SLC25A13: variants seen among roughly 807,000 people sequenced by gnomAD.
SLC25A13 encodes solute carrier family 25 member 13, also known as electrogenic aspartate/glutamate antiporter SLC25A13, mitochondrial.
Under a neutral mutation model 85.5 loss-of-function variants are expected in SLC25A13, and 70 were observed. That is an observed-to-expected ratio of 0.82 (90% CI 0.68 to 1.00). The LOEUF is 1.00. Ranked by LOEUF, SLC25A13 falls within the 50% of genes least tolerant of loss-of-function variation. The pLI, the probability that SLC25A13 is intolerant of heterozygous loss-of-function variation, is 0.00. For synonymous variants in SLC25A13, 259 were observed against 288.7 expected, an observed-to-expected ratio of 0.90 and a Z score of 1.04; for missense variants, 765 against 819.8, an observed-to-expected ratio of 0.93 and a Z score of 0.82.
At chr7:96,262,483 G>C (rs1797890284) in intron 3 of SLC25A13, among the ~76,000 whole-genome samples, 1 of 150,790 alleles carries the variant, frequency 6.6e-6, no homozygotes, top group African/African-American at 2.4e-5. Flanking sequence ...TATAAGAACA[G>C]TAAAAAGGGA....
At chr7:96,312,990 C>G (rs1800001924) in intron 1 of SLC25A13, among the ~76,000 whole-genome samples, 1 of 152,182 alleles carries the variant, frequency 6.6e-6, no homozygotes, top group South Asian at 2.1e-4. Flanking sequence ...ATTGAACTAA[C>G]TAGAAACTTT....
At chr7:96,233,031 C>T (rs552819012) in intron 4 of SLC25A13, among the ~76,000 whole-genome samples, 1 of 152,340 alleles carries the variant, frequency 6.6e-6, no homozygotes, top group Admixed American at 6.5e-5. Context: ...AGTGGTAAAG[C>T]TGGTGTCACC....
In SLC25A13 at chr7:96,170,125, C is replaced by T. The variant is rs768922690; in HGVS notation, c.1231G>A (p.Val411Met). The change falls in exon 13 of 18, where the codon GTG becomes ATG. Residue 411 changes from valine (V) to methionine (M), a missense_variant and splice_region_variant. Physicochemically the swap from Val to Met is conservative, Grantham distance 21. Coordinates refer to ENST00000265631, the MANE Select transcript of SLC25A13 (RefSeq NM_014251.3). ...AATTTATCCCTCACAAAATCGTTCA[C>T]CTTGAAGAAAAATATTTATAGAAGC... ...VAPEKAIKLT[V>M]NDFVRDKFMH... is the part of the protein sequence containing the mutation. 3 of 1,613,578 alleles carry T rather than the reference C, an allele frequency of 1.9e-6. No homozygotes were observed. Among genetic ancestry groups the T allele is most frequent in the Admixed American group, 1.7e-5 (1 of 60,000 alleles).
intron 1 of SLC25A13, among the ~76,000 whole-genome samples, chr7:96,304,314 G>A (rs1458263867): frequency 6.6e-6 from 1 of 152,160 alleles, no homozygotes. Context: ...CACCACAAAT[G>A]TTAACCCACT....
intron 11 of SLC25A13, among the ~76,000 whole-genome samples, chr7:96,177,750 T>A (rs193194462): frequency 1.3e-5 from 2 of 152,154 alleles, no homozygotes; most frequent in African/African-American, 4.8e-5. Flanking sequence ...TCCTCCTTCA[T>A]GGAAACTGGA....
intron 4 of SLC25A13, among the ~76,000 whole-genome samples, chr7:96,221,883 C>A (rs1796142805): frequency 6.6e-6 from 1 of 152,186 alleles, no homozygotes; most frequent in East Asian, 1.9e-4. Context: ...TCCCTCCAAA[C>A]AATTACATCC....
chr7:96,305,520 C>T lies in SLC25A13; in HGVS notation c.16-8569G>A, dbSNP rs1006460973. Among the ~76,000 whole-genome samples the T allele has an allele frequency of 3.9e-5, 6 of 152,152 alleles. No homozygotes were observed. The East Asian group carries it at 5.8e-4, about 15-fold the overall frequency. On this transcript the variant is annotated intron_variant, in intron 1 of 17. Transcript: ENST00000265631. ...GAACCAGCTGCAATTGTAATTACCA[C>T]GCCCAATATAATTTGTTACATATTA...
chr7:96,136,074 T>C (rs1792273718), intron 14 of SLC25A13, among the ~76,000 whole-genome samples: 2 of 152,142 alleles, frequency 1.3e-5, no homozygotes, highest in Admixed American at 1.3e-4. Flanking sequence ...ACAACAAAAA[T>C]CATCTCAGGG....
intron 4 of SLC25A13, among the ~76,000 whole-genome samples, chr7:96,230,555 G>T (rs1029690994): frequency 2.6e-5 from 4 of 152,138 alleles, no homozygotes; most frequent in Non-Finnish European, 5.9e-5. Context: ...CTCACATACA[G>T]AATCACAAAT....
At chr7:96,147,165 G>A (rs966387568) in intron 13 of SLC25A13, among the ~76,000 whole-genome samples, 3 of 151,026 alleles carry the variant, frequency 2.0e-5, no homozygotes, top group African/African-American at 7.4e-5. Context: ...GCTCTTGAAT[G>A]ATGAATTTCA....
intron 5 of SLC25A13, among the ~76,000 whole-genome samples, chr7:96,195,917 C>A (rs866845258): frequency 6.6e-6 from 1 of 152,220 alleles, no homozygotes; most frequent in African/African-American, 2.4e-5. Flanking sequence ...GATCTTACAT[C>A]ATAATCAGTT....
intron 2 of SLC25A13, among the ~76,000 whole-genome samples, chr7:96,289,690 G>A (rs1030503947): frequency 2.6e-5 from 4 of 152,256 alleles, no homozygotes; most frequent in African/African-American, 4.8e-5. Flanking sequence ...GAAATGAAGC[G>A]AGAAGAGAAG....
intron 2 of SLC25A13, among the ~76,000 whole-genome samples, chr7:96,288,680 G>A (rs113895548): frequency 6.6e-6 from 1 of 152,184 alleles, no homozygotes. Context: ...TGCTAGCAAA[G>A]CAGTCTGAGA....
chr7:96,128,943 T>TCTCTCTCA (rs1791875359), intron 15 of SLC25A13, among the ~76,000 whole-genome samples: 2 of 120,516 alleles, frequency 1.7e-5, no homozygotes, highest in Admixed American at 8.7e-5. Flanking sequence ...TTGCTTGCTC[T>TCTCTCTCA]CTCTCTCTCT....
intron 3 of SLC25A13, among the ~76,000 whole-genome samples, chr7:96,257,174 C>T (rs1209834962): frequency 6.6e-6 from 1 of 151,996 alleles, no homozygotes; most frequent in African/African-American, 2.4e-5. Flanking sequence ...AGAGCAAACA[C>T]ATTCGAAAGC....
intron 2 of SLC25A13, among the ~76,000 whole-genome samples, chr7:96,296,399 C>T (rs1799348872): frequency 6.6e-6 from 1 of 152,124 alleles, no homozygotes; most frequent in Non-Finnish European, 1.5e-5. Flanking sequence ...AAAATATAAG[C>T]CATGTTGTCA....
At chr7:96,279,763 A>C (rs563263057) in intron 2 of SLC25A13, among the ~76,000 whole-genome samples, 5 of 152,144 alleles carry the variant, frequency 3.3e-5, no homozygotes, top group Admixed American at 2.0e-4. Flanking sequence ...TTTATCTTTT[A>C]CCTTTAAGTT....
At chr7:96,180,966 A>T (rs766226041) in intron 11 of SLC25A13, among the ~76,000 whole-genome samples, 10 of 152,248 alleles carry the variant, frequency 6.6e-5, no homozygotes, top group Non-Finnish European at 1.5e-4. Flanking sequence ...AAACAGAGAA[A>T]GAATTTTAAA....
Position 96,307,153 on chromosome 7 carries a change from A to G in SLC25A13, c.16-10202T>C, listed in dbSNP as rs1461949839. Among the ~76,000 whole-genome samples, 4 of 149,676 alleles carry G rather than the reference A, an allele frequency of 2.7e-5. No individual in the cohort carries two copies. The South Asian group carries it at 8.5e-4, about 32-fold the overall frequency. On this transcript the variant is annotated intron_variant, in intron 1 of 17. Coordinates refer to ENST00000265631, the MANE Select transcript of SLC25A13 (RefSeq NM_014251.3). ...AGCTTTGTAATTTAAAAAAAAAAAT[A>G]AAGAAAATTAAGACACATCAGTTGT...
Sources: allele counts gnomAD v4.1 joint callset (sites outside exome capture counted in the v4.1 genomes callset), GRCh38; gene constraint gnomAD v4.1.1; transcripts MANE v1.5; gene names NCBI Gene and HGNC (gene_info 2026-07-23, HGNC 2026-07-21).